CDH18: variants seen among roughly 807,000 people sequenced by gnomAD.
CDH18 encodes the protein cadherin-18.
A neutral mutation model predicts 67.9 loss-of-function variants in CDH18; 31 were observed. The observed-to-expected ratio is 0.46, with a 90% confidence interval of 0.34 to 0.62. The LOEUF is 0.62. Ranked by LOEUF, CDH18 falls within the 20% of genes least tolerant of loss-of-function variation. The pLI, the probability that CDH18 is intolerant of heterozygous loss-of-function variation, is 0.01. For missense variants in CDH18, 890 were observed against 975.5 expected, an observed-to-expected ratio of 0.91 and a Z score of 1.17; for synonymous variants, 362 against 347.2, an observed-to-expected ratio of 1.04 and a Z score of -0.48.
chr5:20,207,833 A>T (rs1740032510), intron 2 of CDH18, among the ~76,000 whole-genome samples: 1 of 152,118 alleles, frequency 6.6e-6, no homozygotes, highest in African/African-American at 2.4e-5. Flanking sequence ...ATGTATATAT[A>T]ACTACAAAGA....
At chr5:19,969,484 C>T (rs1433304937) in intron 2 of CDH18, among the ~76,000 whole-genome samples, 6 of 149,660 alleles carry the variant, frequency 4.0e-5, no homozygotes, top group African/African-American at 1.5e-4. Flanking sequence ...GAAAATGTGG[C>T]ACATATACAC....
chr5:19,480,936 G>A (rs1739322195), intron 12 of CDH18, among the ~76,000 whole-genome samples: 1 of 152,070 alleles, frequency 6.6e-6, no homozygotes, highest in South Asian at 2.1e-4. Context: ...GGAATGCAGT[G>A]AAATAGTTCT....
At chr5:20,120,431 T>C (rs972451748) in intron 2 of CDH18, among the ~76,000 whole-genome samples, 1 of 152,128 alleles carries the variant, frequency 6.6e-6, no homozygotes, top group African/African-American at 2.4e-5. Flanking sequence ...TTTACAGATA[T>C]ATAAACTGGG....
chr5:19,488,225 C>A (rs1295035185), intron 11 of CDH18, among the ~76,000 whole-genome samples: 1 of 152,010 alleles, frequency 6.6e-6, no homozygotes. Context: ...AAAATAAATC[C>A]TATTTTTTAG....
chr5:20,542,814 A>C (rs1422427143), intron 1 of CDH18, among the ~76,000 whole-genome samples: 4 of 151,994 alleles, frequency 2.6e-5, no homozygotes, highest in African/African-American at 9.7e-5. Context: ...GGATTTATTT[A>C]TACATTATTG....
At chr5:20,019,877 G>C (rs1006079390) in intron 2 of CDH18, among the ~76,000 whole-genome samples, 1 of 152,184 alleles carries the variant, frequency 6.6e-6, no homozygotes, top group African/African-American at 2.4e-5. Context: ...AAGACAGAAA[G>C]ATTAGGGAAA....
In CDH18 at chr5:20,227,909, T is replaced by C. The variant is rs368038503; in HGVS notation, c.-518+27535A>G. On this transcript the variant is annotated intron_variant, in intron 2 of 14. Transcript: ENST00000507958. ...TCTTCTCTGTCACAGGTATCACTTCTTCCATTTCACTTTCTGTCCATTCCT... is the reference window on the plus strand; with the variant it reads ...TCTTCTCTGTCACAGGTATCACTTCCTCCATTTCACTTTCTGTCCATTCCT... Among the ~76,000 whole-genome samples, 89 of 152,264 alleles carry C rather than the reference T, an allele frequency of 5.8e-4. No homozygotes were observed. The South Asian group carries it at 0.016, about 28-fold the overall frequency.
At chr5:20,164,349 T>G (rs1040804705) in intron 2 of CDH18, among the ~76,000 whole-genome samples, 5 of 152,142 alleles carry the variant, frequency 3.3e-5, no homozygotes, top group Non-Finnish European at 5.9e-5. Context: ...TGCAGTGGTG[T>G]GATATTGGCT....
chr5:20,412,198 G>A lies in CDH18; in HGVS notation c.-579-156693C>T, dbSNP rs536160786. Among the ~76,000 whole-genome samples, 3 of 152,104 alleles carry A rather than the reference G, an allele frequency of 2.0e-5. No homozygotes were observed. In the South Asian group the frequency reaches 6.2e-4, roughly 32 times the overall value. ...ACAACAATAGTCACATAGATCAATG[G>A]AACATAAACAAAGCCACACACCTAC... On this transcript the variant is annotated intron_variant, in intron 1 of 14. Coordinates refer to the CDH18 transcript ENST00000507958.
chr5:20,273,993 A>C (rs1280299302), intron 1 of CDH18, among the ~76,000 whole-genome samples: 1 of 152,154 alleles, frequency 6.6e-6, no homozygotes, highest in Non-Finnish European at 1.5e-5. Flanking sequence ...GTGGTGTCGG[A>C]AGAGAAGAGG....
At chr5:19,569,147 C>T (rs931643593) in intron 8 of CDH18, among the ~76,000 whole-genome samples, 1 of 152,144 alleles carries the variant, frequency 6.6e-6, no homozygotes, top group Admixed American at 6.6e-5. Flanking sequence ...GGCATTGCTG[C>T]CAGGATTAAT....
At chr5:20,182,898 A>T (rs1737805770) in intron 2 of CDH18, among the ~76,000 whole-genome samples, 1 of 152,044 alleles carries the variant, frequency 6.6e-6, no homozygotes, top group South Asian at 2.1e-4. Context: ...ACAGCCCAAG[A>T]TCTCTATACT....
chr5:20,047,191 A>T (rs1317688725), intron 2 of CDH18, among the ~76,000 whole-genome samples: 1 of 151,904 alleles, frequency 6.6e-6, no homozygotes, highest in Non-Finnish European at 1.5e-5. Context: ...CTTAGATACA[A>T]TTGGGTTCAA....
At chr5:20,355,197 A>G (rs1322595512) in intron 1 of CDH18, among the ~76,000 whole-genome samples, 2 of 152,216 alleles carry the variant, frequency 1.3e-5, no homozygotes, top group Non-Finnish European at 2.9e-5. Flanking sequence ...CAGTTGTGCT[A>G]GTAAGACGAA....
chr5:20,394,398 T>C (rs993995113), intron 1 of CDH18, among the ~76,000 whole-genome samples: 1 of 152,106 alleles, frequency 6.6e-6, no homozygotes, highest in Non-Finnish European at 1.5e-5. Flanking sequence ...ATTTTGTGTA[T>C]GGAGTTCTAT....
At chr5:19,688,745 A>C (rs1459290597) in intron 5 of CDH18, among the ~76,000 whole-genome samples, 3 of 152,160 alleles carry the variant, frequency 2.0e-5, no homozygotes, top group Non-Finnish European at 4.4e-5. Context: ...ATATTAAAGA[A>C]GTTCCATGAA....
chr5:19,977,539 G>A (rs1036456880), intron 2 of CDH18, among the ~76,000 whole-genome samples: 3 of 152,106 alleles, frequency 2.0e-5, no homozygotes, highest in South Asian at 2.1e-4. Flanking sequence ...ATTGTTTCAC[G>A]TGCAGGCAGG....
At position 20,027,676 on chromosome 5, in the gene CDH18, T is replaced by C. The variant is rs570087863; in HGVS notation, c.-517-35662A>G. ...GTTAAACTACAGTAAGTTTGAGACT[T>C]TGTCTCATCTACTCAAGTCCATCAT... On this transcript the variant is annotated intron_variant, in intron 2 of 14. Coordinates refer to the CDH18 transcript ENST00000507958. 2.2e-4 allele frequency among the ~76,000 whole-genome samples: 34 copies of C among 152,328 alleles called. No homozygotes were observed. In the South Asian group the frequency reaches 5.6e-3, roughly 25 times the overall value.
intron 8 of CDH18, among the ~76,000 whole-genome samples, chr5:19,566,638 G>A (rs1349312182): frequency 6.6e-6 from 1 of 151,936 alleles, no homozygotes; most frequent in Non-Finnish European, 1.5e-5. Context: ...GGAGGAAACC[G>A]CCCCCACGAT....
Sources: allele counts gnomAD v4.1 joint callset (sites outside exome capture counted in the v4.1 genomes callset), GRCh38; gene constraint gnomAD v4.1.1; transcripts MANE v1.5; gene names NCBI Gene and HGNC (gene_info 2026-07-23, HGNC 2026-07-21).